PCDHA1: variants seen among roughly 807,000 people sequenced by gnomAD.
PCDHA1 encodes the protein protocadherin alpha 1.
PCDHA1 carries 42 observed loss-of-function variants against 61.3 expected under a neutral mutation model. That is an observed-to-expected ratio of 0.69 (90% CI 0.54 to 0.89). The LOEUF is 0.89. Among genes scored for constraint, PCDHA1 ranks in the 40% least tolerant of loss-of-function variants. The pLI, the probability that PCDHA1 is intolerant of heterozygous loss-of-function variation, is 0.00. For missense variants in PCDHA1, 1,256 were observed against 1,235.3 expected (o/e 1.02, Z -0.25); for synonymous variants, 610 against 553.8 (o/e 1.10, Z -1.43).
At position 140,822,955 on chromosome 5, in the gene PCDHA1, T is replaced by G. The variant is rs2150120755; in HGVS notation, c.2394+34271T>G. Reference sequence around the variant, plus strand: ...CTGCTCCCTAATGCCCCACGTTCCCTTCAAGCTGGTGTCCACCTTCAAGAA... The same window carrying G: ...CTGCTCCCTAATGCCCCACGTTCCCGTCAAGCTGGTGTCCACCTTCAAGAA... On this transcript the variant is annotated intron_variant, in intron 1 of 3. Transcript: ENST00000504120. The G allele has an allele frequency of 3.7e-6, 6 of 1,614,108 alleles. No homozygotes were observed. The African/African-American group carries it at 8.0e-5, about 22-fold the overall frequency.
At chr5:140,801,938 T>C (rs1762816728) in intron 1 of PCDHA1, 1 of 1,614,192 alleles carries the variant, frequency 6.2e-7, no homozygotes, top group South Asian at 1.1e-5. Context: ...GGACGATCTA[T>C]AAAGTCAGAT....
intron 1 of PCDHA1, among the ~76,000 whole-genome samples, chr5:140,938,625 T>G (rs2092136082): frequency 6.6e-6 from 1 of 152,220 alleles, no homozygotes; most frequent in African/African-American, 2.4e-5. Flanking sequence ...AAACTCAGGT[T>G]GCTTATGATG....
chr5:140,968,659 C>T, intron 1 of PCDHA1: 1 of 1,614,160 alleles, frequency 6.2e-7, no homozygotes, highest in East Asian at 2.2e-5. Flanking sequence ...CTGACCTGGA[C>T]CTCTTTAAGG....
At chr5:140,958,199 A>G (rs2095413345) in intron 1 of PCDHA1, among the ~76,000 whole-genome samples, 1 of 152,140 alleles carries the variant, frequency 6.6e-6, no homozygotes, top group Non-Finnish European at 1.5e-5. Context: ...GGTCTAGTAT[A>G]CAAGGGAATT....
At chr5:140,870,819 G>C (rs1365807310) in intron 1 of PCDHA1, 3 of 1,613,714 alleles carry the variant, frequency 1.9e-6, no homozygotes, top group South Asian at 1.1e-5. Flanking sequence ...CTGGCAGCGC[G>C]GGAGGCGCAG....
At chr5:140,803,325 C>T in intron 1 of PCDHA1, 1 of 1,614,176 alleles carries the variant, frequency 6.2e-7, no homozygotes, top group Non-Finnish European at 8.5e-7. Flanking sequence ...GGTGTCCAGT[C>T]TGTTGGTGCT....
chr5:140,965,173 G>A (rs1257436786), intron 1 of PCDHA1, among the ~76,000 whole-genome samples: 1 of 152,218 alleles, frequency 6.6e-6, no homozygotes, highest in African/African-American at 2.4e-5. Flanking sequence ...TTTAGTGAGT[G>A]CTTTTTTTGC....
rs138165669 is a variant in PCDHA1 at position 140,788,240 on chromosome 5, A to G, written c.1950A>G (p.Leu650=). Residue 650 remains leucine, a synonymous_variant, in exon 1 of 4, where the codon CTA becomes CTG. Coordinates refer to ENST00000504120, the MANE Select transcript of PCDHA1 (RefSeq NM_018900.4). ...TGTCGCGCTACCGCCTTCTGGTGCT[A>G]GTGAAGGATCACGGTGAGCCGGCGC... ...ADLSRYRLLV[L]VKDHGEPALT... 915 of 1,613,788 alleles carry G rather than the reference A, an allele frequency of 5.7e-4. 2 individuals carry two copies. The highest frequency in any genetic ancestry group is 7.5e-4 in the Non-Finnish European group (881 of 1,179,914).
At chr5:140,832,074 T>C (rs2150199699) in intron 1 of PCDHA1, among the ~76,000 whole-genome samples, 2 of 152,370 alleles carry the variant, frequency 1.3e-5, no homozygotes, top group East Asian at 3.8e-4. Context: ...CTGAGATGTC[T>C]CTAACATTTT....
chr5:140,823,200 G>C, intron 1 of PCDHA1: 3 of 1,613,866 alleles, frequency 1.9e-6, no homozygotes, highest in Admixed American at 1.7e-5. Context: ...ACATCTTCAC[G>C]GTGTCTGCAC....
chr5:140,951,544 G>T (rs543008494), intron 1 of PCDHA1, among the ~76,000 whole-genome samples: 1 of 151,878 alleles, frequency 6.6e-6, no homozygotes, highest in Non-Finnish European at 1.5e-5. Flanking sequence ...AGCAAGGGAC[G>T]GGGGGAAGTG....
chr5:140,994,072 G>T (rs1587604928), intron 3 of PCDHA1, among the ~76,000 whole-genome samples: 1 of 152,242 alleles, frequency 6.6e-6, no homozygotes, highest in East Asian at 1.9e-4. Flanking sequence ...TAATGGTGAA[G>T]GGAGAAATGT....
intron 1 of PCDHA1, among the ~76,000 whole-genome samples, chr5:140,950,804 A>G (rs1360919239): frequency 6.6e-6 from 1 of 152,090 alleles, no homozygotes; most frequent in African/African-American, 2.4e-5. Context: ...GTCTGGTTTT[A>G]CCATAGTAGG....
intron 1 of PCDHA1, chr5:140,884,471 G>T (rs2060197778): frequency 1.2e-6 from 2 of 1,613,684 alleles, no homozygotes; most frequent in Admixed American, 3.3e-5. Flanking sequence ...GTGCGCGCCG[G>T]GCAAGCCCAC....
At chr5:140,936,875 C>A (rs1052156307) in intron 1 of PCDHA1, among the ~76,000 whole-genome samples, 1 of 151,950 alleles carries the variant, frequency 6.6e-6, no homozygotes, top group South Asian at 2.1e-4. Context: ...TTTAAAAAAC[C>A]CTGCTTTGAT....
rs574855184 is a variant in PCDHA1 at position 140,890,340 on chromosome 5, G to C, written c.2395-88609G>C. ...TTTAAGATATTAGGTAGTTGGGATG[G>C]TTTACTATATAGCAATGGATAACCT... On this transcript the variant is annotated intron_variant, in intron 1 of 3. Coordinates refer to ENST00000504120, the MANE Select transcript of PCDHA1 (RefSeq NM_018900.4). 9.1e-4 allele frequency among the ~76,000 whole-genome samples: 139 copies of C among 152,222 alleles called. 2 individuals are homozygous for C. The Middle Eastern group carries it at 0.017, about 19-fold the overall frequency.
At chr5:140,797,588 G>A in intron 1 of PCDHA1, 1 of 575,892 alleles carries the variant, frequency 1.7e-6, no homozygotes, top group Non-Finnish European at 3.0e-6. Context: ...TAAGTCATAA[G>A]TAATAGACCA....
At position 140,883,904 on chromosome 5, in the gene PCDHA1, G is replaced by A. The variant is rs146827381; in HGVS notation, c.2395-95045G>A. 7,677 of 1,613,344 alleles carry A rather than the reference G, an allele frequency of 4.8e-3. 19 individuals are homozygous for A. The highest frequency in any genetic ancestry group is 5.8e-3 in the Non-Finnish European group (6,886 of 1,179,828). On this transcript the variant is annotated intron_variant, in intron 1 of 3. Transcript: ENST00000504120. ...GCGCGACTCTGGCGTGCCGCCTCTG[G>A]GCAGCAACGTGACGCTGCAGGTGTT... is the stretch of plus-strand genomic sequence containing the variant.
rs148093365 is a variant in PCDHA1 at position 140,827,932 on chromosome 5, A to T, written c.2394+39248A>T. On this transcript the variant is annotated intron_variant, in intron 1 of 3. Coordinates refer to ENST00000504120, the MANE Select transcript of PCDHA1 (RefSeq NM_018900.4). ...TGATGTCGCTGTCTACCATGAAGTT[A>T]TAGCTAGCCAACATTCAAATTTCTT... 3.9e-5 allele frequency: 40 copies of T among 1,026,454 alleles called. No individual in the cohort carries two copies. The African/African-American group carries it at 5.4e-4, about 14-fold the overall frequency. The allele number at this position is 1,026,454 out of a possible 1,614,324, so 63.6% of individuals were successfully genotyped here.
Sources: gnomAD v4.1 joint callset for allele counts (sites outside exome capture counted in the v4.1 genomes callset) on GRCh38, gnomAD v4.1.1 for gene constraint, MANE v1.5 for transcripts, NCBI Gene and HGNC (gene_info 2026-07-23, HGNC 2026-07-21) for gene names.